DCC: variants seen among roughly 807,000 people sequenced by gnomAD.
The protein encoded by DCC is netrin receptor DCC.
A neutral mutation model predicts 172.5 loss-of-function variants in DCC; 58 were observed. The ratio of observed to expected loss-of-function variants is 0.34; its 90% CI spans 0.27 to 0.42. DCC has a LOEUF of 0.42. DCC is among the 10% of genes least tolerant of loss of function. The pLI, the probability that DCC is intolerant of heterozygous loss-of-function variation, is 1.00. For synonymous variants in DCC, 709 were observed against 644.5 expected (o/e 1.10, Z -1.52); for missense variants, 1,740 against 1,791.0 (o/e 0.97, Z 0.51).
chr18:53,448,044 T>A (rs1307719253), intron 22 of DCC, among the ~76,000 whole-genome samples: 3 of 143,872 alleles, frequency 2.1e-5, no homozygotes, highest in Non-Finnish European at 4.5e-5. Context: ...TAAATTTTGA[T>A]GAGTTTTTTT....
chr18:52,514,273 A>T (rs1177758757), intron 1 of DCC, among the ~76,000 whole-genome samples: 1 of 152,194 alleles, frequency 6.6e-6, no homozygotes, highest in Non-Finnish European at 1.5e-5. Context: ...ACAAAGTTAT[A>T]GTTGGGAATG....
At chr18:52,700,290 G>A (rs1463168965) in intron 1 of DCC, among the ~76,000 whole-genome samples, 7 of 74,260 alleles carry the variant, frequency 9.4e-5, no homozygotes, top group Admixed American at 7.3e-4. Flanking sequence ...GCACACACAT[G>A]CACATCCACA....
At chr18:52,875,102 C>T (rs923527071) in intron 2 of DCC, among the ~76,000 whole-genome samples, 2 of 152,016 alleles carry the variant, frequency 1.3e-5, no homozygotes, top group African/African-American at 4.8e-5. Flanking sequence ...CGCAATGTTC[C>T]AGGCGAGGTC....
intron 7 of DCC, among the ~76,000 whole-genome samples, chr18:53,149,590 C>G (rs2043968894): frequency 6.6e-6 from 1 of 152,188 alleles, no homozygotes; most frequent in South Asian, 2.1e-4. Context: ...AGGCACTTTC[C>G]TAAATAAGCA....
intron 5 of DCC, among the ~76,000 whole-genome samples, chr18:53,009,307 A>G (rs955033210): frequency 3.3e-5 from 5 of 152,012 alleles, no homozygotes; most frequent in Non-Finnish European, 7.4e-5. Context: ...AAAGATGGAT[A>G]TAACATAATA....
intron 22 of DCC, among the ~76,000 whole-genome samples, chr18:53,448,850 C>T (rs2045370507): frequency 6.6e-6 from 1 of 151,858 alleles, no homozygotes; most frequent in South Asian, 2.1e-4. Context: ...AAGACTCTGT[C>T]TCAAAAAAAA....
At chr18:53,192,639 C>T (rs1316602858) in intron 9 of DCC, among the ~76,000 whole-genome samples, 2 of 151,938 alleles carry the variant, frequency 1.3e-5, no homozygotes, top group Admixed American at 6.6e-5. Context: ...TTGTGATGTG[C>T]CCATTAATAG....
At chr18:53,481,783 C>G (rs368241394) in intron 25 of DCC, among the ~76,000 whole-genome samples, 1 of 152,014 alleles carries the variant, frequency 6.6e-6, no homozygotes, top group East Asian at 1.9e-4. Context: ...GTATTTAGTG[C>G]TAACATTTTA....
chr18:52,827,789 C>A (rs1180265111), intron 2 of DCC, among the ~76,000 whole-genome samples: 1 of 152,076 alleles, frequency 6.6e-6, no homozygotes, highest in South Asian at 2.1e-4. Flanking sequence ...GTATGTATTC[C>A]CCTTGCTTTT....
chr18:52,663,560 C>A (rs1236564614), intron 1 of DCC, among the ~76,000 whole-genome samples: 2 of 152,116 alleles, frequency 1.3e-5, no homozygotes, highest in African/African-American at 4.8e-5. Flanking sequence ...AAAATATTCA[C>A]CCTAGCTAAA....
At chr18:52,998,193 C>T (rs544980850) in intron 5 of DCC, among the ~76,000 whole-genome samples, 7 of 152,098 alleles carry the variant, frequency 4.6e-5, no homozygotes, top group African/African-American at 7.2e-5. Context: ...ATGGGCAGTG[C>T]GGGAATAGAA....
At chr18:53,187,702 T>C (rs190798521) in intron 9 of DCC, among the ~76,000 whole-genome samples, 3 of 152,342 alleles carry the variant, frequency 2.0e-5, no homozygotes, top group African/African-American at 2.4e-5. Context: ...GTCAATAATA[T>C]GACTTTAGCT....
intron 5 of DCC, among the ~76,000 whole-genome samples, chr18:52,969,542 A>AGGT (rs776293048): frequency 6.7e-6 from 1 of 150,030 alleles, no homozygotes; most frequent in Non-Finnish European, 1.5e-5. Context: ...TATCTCAACC[A>AGGT]GATTAGCCTC....
chr18:52,497,260 C>CAA (rs111476286), intron 1 of DCC, among the ~76,000 whole-genome samples: 17 of 53,938 alleles, frequency 3.2e-4, no homozygotes, highest in African/African-American at 8.6e-4. Context: ...GACCCTGTAT[C>CAA]AAAAAAAAAA....
chr18:52,498,064 TC>T (rs1375970210), intron 1 of DCC, among the ~76,000 whole-genome samples: 1 of 152,210 alleles, frequency 6.6e-6, no homozygotes, highest in Non-Finnish European at 1.5e-5. Context: ...TAATAAAACT[TC>T]ACTTATGGAC....
At chr18:53,383,302 T>C (rs1907905551) in intron 15 of DCC, among the ~76,000 whole-genome samples, 2 of 152,046 alleles carry the variant, frequency 1.3e-5, no homozygotes, top group South Asian at 4.2e-4. Flanking sequence ...ATTTGTTAGC[T>C]AGAATTATGT....
chr18:52,672,662 C>T (rs1204856678), intron 1 of DCC, among the ~76,000 whole-genome samples: 1 of 136,988 alleles, frequency 7.3e-6, no homozygotes, highest in Non-Finnish European at 1.6e-5. Flanking sequence ...TTCCCCCTTG[C>T]CCCCTTCCCC....
chr18:52,468,391 C>A (rs1988849840), intron 1 of DCC, among the ~76,000 whole-genome samples: 1 of 152,308 alleles, frequency 6.6e-6, no homozygotes, highest in Non-Finnish European at 1.5e-5. Context: ...CCAAGTGAAT[C>A]TTTCAAACTC....
At chr18:53,414,662 C>T (rs1486125239) in intron 20 of DCC, among the ~76,000 whole-genome samples, 1 of 151,882 alleles carries the variant, frequency 6.6e-6, no homozygotes, top group Non-Finnish European at 1.5e-5. Context: ...TCCTGACTAA[C>T]ATGGTGAAAC....
Sources: allele counts gnomAD v4.1 joint callset (sites outside exome capture counted in the v4.1 genomes callset), GRCh38; gene constraint gnomAD v4.1.1; transcripts MANE v1.5; gene names NCBI Gene and HGNC (gene_info 2026-07-23, HGNC 2026-07-21).